The following DOCK9 variants were observed in gnomAD, a reference collection of about 807,000 sequenced individuals.
DOCK9 encodes the protein dedicator of cytokinesis protein 9.
A neutral mutation model predicts 263.3 loss-of-function variants in DOCK9; 89 were observed. The observed-to-expected ratio is 0.34, with a 90% CI of 0.28 to 0.40. DOCK9 has a LOEUF of 0.40. Ranked by LOEUF, DOCK9 falls within the 10% of genes least tolerant of loss-of-function variation. The pLI, the probability that DOCK9 is intolerant of heterozygous loss-of-function variation, is 1.00. For synonymous variants in DOCK9, 976 were observed against 973.1 expected, an observed-to-expected ratio of 1.00 and a Z score of -0.06; for missense variants, 2,140 against 2,603.4, an observed-to-expected ratio of 0.82 and a Z score of 3.87.
At chr13:98,952,098 A>G (rs2057502241) in intron 2 of DOCK9, among the ~76,000 whole-genome samples, 1 of 150,656 alleles carries the variant, frequency 6.6e-6, no homozygotes, top group Admixed American at 6.6e-5. Flanking sequence ...GGGTTTTGCC[A>G]TGTTGGCCAG....
At chr13:99,065,632 T>A (rs1381839822) in intron 1 of DOCK9, among the ~76,000 whole-genome samples, 1 of 152,224 alleles carries the variant, frequency 6.6e-6, no homozygotes, top group Non-Finnish European at 1.5e-5. Flanking sequence ...CTATCTAGAA[T>A]AATTTGTATC....
At chr13:99,024,815 A>T (rs776934943) in intron 1 of DOCK9, among the ~76,000 whole-genome samples, 2 of 152,182 alleles carry the variant, frequency 1.3e-5, no homozygotes, top group Non-Finnish European at 2.9e-5. Context: ...GGGAAGTGCA[A>T]TTTTTCAAAA....
chr13:98,851,227 A>T (rs2093559664), intron 35 of DOCK9, among the ~76,000 whole-genome samples: 1 of 152,236 alleles, frequency 6.6e-6, no homozygotes, highest in Admixed American at 6.5e-5. Flanking sequence ...TAATTCTCCC[A>T]TTTACCAGTC....
chr13:99,075,971 A>G (rs889701553), intron 1 of DOCK9, among the ~76,000 whole-genome samples: 5 of 152,164 alleles, frequency 3.3e-5, no homozygotes, highest in African/African-American at 1.2e-4. Flanking sequence ...GTGTCATCAC[A>G]CCCAAGCGCT....
chr13:98,843,535 T>C (rs2093293949), intron 38 of DOCK9, among the ~76,000 whole-genome samples: 2 of 152,158 alleles, frequency 1.3e-5, no homozygotes, highest in Admixed American at 1.3e-4. Context: ...TTCTAGGAGT[T>C]GCAACAACTT....
chr13:98,803,943 T>G (rs1401572099), intron 49 of DOCK9, among the ~76,000 whole-genome samples: 6 of 151,826 alleles, frequency 4.0e-5, no homozygotes, highest in African/African-American at 1.2e-4. Context: ...CCTGTATTTT[T>G]TTTTTTTTTT....
intron 4 of DOCK9, 38 bp from the exon 5 acceptor site, chr13:98,923,409 C>G (rs2052399557): frequency 1.9e-6 from 3 of 1,557,134 alleles, no homozygotes; most frequent in Non-Finnish European, 2.7e-6. Context: ...TTAGAAATGC[C>G]TAGTCAAGGA....
intron 1 of DOCK9, among the ~76,000 whole-genome samples, chr13:99,046,514 C>T (rs762139203): frequency 6.6e-6 from 1 of 152,212 alleles, no homozygotes; most frequent in Non-Finnish European, 1.5e-5. Flanking sequence ...TAAAGGGTTG[C>T]CCAACTTGTG....
chr13:98,925,708 A>G, intron 4 of DOCK9, 129 bp downstream of exon 4: 6 of 569,820 alleles, frequency 1.1e-5, no homozygotes, highest in Non-Finnish European at 1.8e-5. Flanking sequence ...CAATAGTTAC[A>G]CCACATACAC....
chr13:99,021,018 AT>A (rs1198157528), intron 1 of DOCK9, among the ~76,000 whole-genome samples: 1 of 152,236 alleles, frequency 6.6e-6, no homozygotes, highest in East Asian at 1.9e-4. Flanking sequence ...GACAGTCCAT[AT>A]TTCATAAATC....
rs746023998 is a variant in DOCK9, at chr13:98,807,672, C to T, written c.5503G>A (p.Asp1835Asn). ...AAACATGGTCATACCTTGCCAGAAT[C>T]CTGTATCATTTTGACATTTTCAGAA... ...FGSENVKMIQDSGKVNPKDLD... is the reference protein window; with the variant it reads ...FGSENVKMIQNSGKVNPKDLD... The change falls in exon 48 of 53, where the codon GAT becomes AAT. Residue 1835 changes from aspartate to asparagine, a missense_variant. This residue lies in a region of DOCK9 where 619 missense variants were observed against 861.8 expected (regional missense o/e 0.72). Coordinates refer to ENST00000682017, the MANE Select transcript of DOCK9 (RefSeq NM_001366683.2). 1 of 1,607,694 alleles carries T rather than the reference C, an allele frequency of 6.2e-7. No individual in the cohort carries two copies. Among genetic ancestry groups the T allele is most frequent in the Non-Finnish European group, 8.5e-7 (1 of 1,175,718 alleles).
chr13:98,866,637 C>A (rs1474417407), intron 30 of DOCK9, among the ~76,000 whole-genome samples: 1 of 152,210 alleles, frequency 6.6e-6, no homozygotes, highest in Non-Finnish European at 1.5e-5. Flanking sequence ...ATGAGCTCAA[C>A]TCTCTTCAAA....
chr13:98,984,418 G>C (rs998530318), intron 1 of DOCK9, among the ~76,000 whole-genome samples: 1 of 152,160 alleles, frequency 6.6e-6, no homozygotes, highest in African/African-American at 2.4e-5. Flanking sequence ...TTCAATAGTT[G>C]TATCTCCAAA....
chr13:99,032,002 T>G (rs188793585), intron 1 of DOCK9, among the ~76,000 whole-genome samples: 1 of 152,290 alleles, frequency 6.6e-6, no homozygotes, highest in East Asian at 1.9e-4. Flanking sequence ...GTACCTGGGT[T>G]AAATATATTA....
intron 27 of DOCK9, among the ~76,000 whole-genome samples, chr13:98,877,133 A>G (rs1378911199): frequency 6.6e-6 from 1 of 152,180 alleles, no homozygotes; most frequent in African/African-American, 2.4e-5. Flanking sequence ...AAATGGCAGC[A>G]CCTCTAGGAG....
chr13:98,874,431 T>C (rs1444082026), intron 27 of DOCK9, among the ~76,000 whole-genome samples: 2 of 152,252 alleles, frequency 1.3e-5, no homozygotes, highest in East Asian at 3.8e-4. Flanking sequence ...TTGATTATTA[T>C]GAATAAAGCT....
Position 98,906,930 on chromosome 13 carries a change from A to G in DOCK9, c.961-2224T>C, listed in dbSNP as rs560148774. Among the ~76,000 whole-genome samples, 8 of 152,278 alleles carry G rather than the reference A, an allele frequency of 5.3e-5. 1 individual carries two copies. The South Asian group carries it at 1.7e-3, about 32-fold the overall frequency. The stretch of plus-strand genomic sequence containing the variant: ...GATGATGGCTCAAGTCTGTTGCCAC[A>G]CCAAGTTTATCTTGATGCTATCGAT... On this transcript the variant is annotated intron_variant, in intron 9 of 52. Transcript: ENST00000682017.
intron 1 of DOCK9, among the ~76,000 whole-genome samples, chr13:99,042,587 G>A (rs1229084231): frequency 1.3e-5 from 2 of 152,230 alleles, no homozygotes; most frequent in Non-Finnish European, 2.9e-5. Flanking sequence ...GACATCTGGT[G>A]TAGGGGCCAG....
chr13:99,020,791 G>T (rs1475559741), intron 1 of DOCK9, among the ~76,000 whole-genome samples: 2 of 152,156 alleles, frequency 1.3e-5, no homozygotes, highest in East Asian at 1.9e-4. Flanking sequence ...CAGACCTGGG[G>T]TCTATCTTAG....
Sources: allele counts gnomAD v4.1 joint callset (sites outside exome capture counted in the v4.1 genomes callset), GRCh38; gene constraint gnomAD v4.1.1; regional missense constraint gnomAD v4.1.1; transcripts MANE v1.5; gene names NCBI Gene and HGNC (gene_info 2026-07-23, HGNC 2026-07-21).